SKA3: variants seen among roughly 807,000 people sequenced by gnomAD.
SKA3 encodes spindle and kinetochore associated complex subunit 3.
Under a neutral mutation model 44.2 loss-of-function variants are expected in SKA3, and 39 were observed. The observed-to-expected ratio is 0.88, with a 90% CI of 0.68 to 1.15. The LOEUF is 1.15. Among genes scored for constraint, SKA3 ranks in the 50% most tolerant of loss-of-function variants. SKA3 has a pLI of 0.00. For synonymous variants in SKA3, 192 were observed against 172.0 expected (o/e 1.12, Z -0.91); for missense variants, 511 against 485.8 (o/e 1.05, Z -0.49).
Position 21,160,005 on chromosome 13 carries a change from T to C in SKA3, c.830-18A>G. 1.3e-6 allele frequency: 2 copies of C among 1,574,260 alleles called. No homozygotes were observed. The highest frequency in any genetic ancestry group is 2.3e-5 in the South Asian group (2 of 85,530). ...TTCGGCATCTAAAAGACACATAAAATGGTCATTAAAAAACTATAACTATAG... is the reference window on the plus strand; with the variant it reads ...TTCGGCATCTAAAAGACACATAAAACGGTCATTAAAAAACTATAACTATAG... On this transcript the variant is annotated intron_variant, in intron 5 of 8. Coordinates refer to ENST00000314759, the MANE Select transcript of SKA3 (RefSeq NM_145061.6).
At chr13:21,170,975 G>A (rs145703875) in intron 3 of SKA3, among the ~76,000 whole-genome samples, 372 of 152,186 alleles carry the variant, frequency 2.4e-3, no homozygotes, top group Non-Finnish European at 4.3e-3. Context: ...CATGCAGGTT[G>A]GAGTGCAGTG....
intron 1 of SKA3, among the ~76,000 whole-genome samples, chr13:21,175,233 C>T (rs1341018053): frequency 6.6e-6 from 1 of 151,536 alleles, no homozygotes; most frequent in Non-Finnish European, 1.5e-5. Context: ...CCACCTCGGC[C>T]TCCCAAAATG....
chr13:21,174,911 T>C (rs1169258888), intron 1 of SKA3, among the ~76,000 whole-genome samples: 2 of 122,834 alleles, frequency 1.6e-5, no homozygotes, highest in Non-Finnish European at 3.9e-5. Context: ...CCTTGATGAC[T>C]AATGAAATTT....
intron 1 of SKA3, among the ~76,000 whole-genome samples, chr13:21,175,501 C>CTCCTGACCA (rs1450965795): frequency 6.6e-6 from 1 of 151,968 alleles, no homozygotes; most frequent in African/African-American, 2.4e-5. Flanking sequence ...TGGTCTCGAT[C>CTCCTGACCA]TCCTGACCTT....
At chr13:21,172,125 G>A (rs1422419311) in intron 3 of SKA3, 7 of 309,986 alleles carry the variant, frequency 2.3e-5, no homozygotes, top group Non-Finnish European at 4.1e-5. Context: ...TTGGCATTTT[G>A]GAAAGGAGAA....
intron 3 of SKA3, among the ~76,000 whole-genome samples, chr13:21,169,288 G>A (rs1308035307): frequency 3.3e-5 from 5 of 151,860 alleles, no homozygotes; most frequent in Admixed American, 1.3e-4. Context: ...CCAGGCTGGA[G>A]TGCAGTGGCA....
In SKA3 at chr13:21,154,344, C is replaced by T. The variant is rs1327178; in HGVS notation, c.*806G>A. ...AAGCTACCAGGCAGCTCTGGAGGCT[C>T]CCGTGGCCATAGCTAACAGTGCACA... On this transcript the variant is annotated 3_prime_UTR_variant, in exon 9 of 9. Coordinates refer to ENST00000314759, the MANE Select transcript of SKA3 (RefSeq NM_145061.6). The T allele has an allele frequency of 0.4, 60,024 of 151,612 alleles. 10,919 individuals are homozygous for T. Among genetic ancestry groups the T allele is most frequent in the East Asian group, 0.59 (3,035 of 5,114 alleles). 9.4% of individuals were successfully genotyped at this position (151,612 alleles called of 1,614,324 possible). A position where few individuals can be genotyped will look rare whatever the true frequency, so the allele number is the denominator to read the frequency against.
chr13:21,176,466 G>A lies in SKA3; in HGVS notation c.12C>T (p.Ile4=), dbSNP rs1369353562. MDP[I]RSFCGKLRSL... ...ACCGCAGCTTCCCGCAGAAGCTCCGGATAGGGTCCATGCTGAGCACAGCGG... is the reference window on the plus strand; with the variant it reads ...ACCGCAGCTTCCCGCAGAAGCTCCGAATAGGGTCCATGCTGAGCACAGCGG... Residue 4 remains isoleucine, a synonymous_variant, in exon 1 of 9, where the codon ATC becomes ATT. Transcript: ENST00000314759. 1 of 1,570,082 alleles carries A rather than the reference G, an allele frequency of 6.4e-7. No homozygotes were observed. Among genetic ancestry groups the A allele is most frequent in the Non-Finnish European group, 8.6e-7 (1 of 1,158,212 alleles).
In SKA3 at chr13:21,155,692, C is replaced by G. The variant is rs746466703; in HGVS notation, c.1238+1G>C. ...TTTCTTTACAAAGGTAACATACTCA[C>G]CAGTTTTCTTTGTTGCTGACATCTC... On this transcript the variant is annotated splice_donor_variant, in intron 8 of 8. Transcript: ENST00000314759. LOFTEE classifies it high-confidence loss of function. The G allele has an allele frequency of 8.8e-7, 1 of 1,133,608 alleles. No homozygotes were observed. The highest frequency in any genetic ancestry group is 1.2e-6 in the Non-Finnish European group (1 of 838,042). 70.2% of individuals were successfully genotyped at this position (1,133,608 alleles called of 1,614,324 possible).
chr13:21,153,641 G>A lies in SKA3; in HGVS notation c.*1509C>T, dbSNP rs1480547926. ...ATTTGAATTCTCAGCAATATTCACA[G>A]AATCATCACTCTCCTTGAAATACTT... On this transcript the variant is annotated 3_prime_UTR_variant, in exon 9 of 9. Coordinates refer to ENST00000314759, the MANE Select transcript of SKA3 (RefSeq NM_145061.6). The A allele has an allele frequency of 1.3e-5, 2 of 152,178 alleles. No homozygotes were observed. The highest frequency in any genetic ancestry group is 6.5e-5 in the Admixed American group (1 of 15,274). 9.4% of individuals were successfully genotyped at this position (152,178 alleles called of 1,614,324 possible). A position where few individuals can be genotyped will look rare whatever the true frequency, so the allele number is the denominator to read the frequency against.
intron 4 of SKA3, among the ~76,000 whole-genome samples, chr13:21,167,161 C>T (rs1467537065): frequency 6.6e-6 from 1 of 152,128 alleles, no homozygotes; most frequent in African/African-American, 2.4e-5. Flanking sequence ...AACATGTAAA[C>T]ACATCACCTA....
At chr13:21,160,702 C>A (rs1407267266) in intron 5 of SKA3, among the ~76,000 whole-genome samples, 2 of 151,962 alleles carry the variant, frequency 1.3e-5, no homozygotes, top group African/African-American at 4.8e-5. Flanking sequence ...ATGTGCATGC[C>A]CTTTGACCTG....
Position 21,176,523 on chromosome 13 carries a change from G to A in SKA3, c.-46C>T, listed in dbSNP as rs943375770. On this transcript the variant is annotated 5_prime_UTR_variant, in exon 1 of 9. Coordinates refer to ENST00000314759, the MANE Select transcript of SKA3 (RefSeq NM_145061.6). ...ACTCCAGGCGTACGCAGACCCCACC[G>A]CTCAGCTCACAGCCTCCCGCCACTA... The A allele has an allele frequency of 1.7e-5, 18 of 1,086,120 alleles. No individual in the cohort carries two copies. Among genetic ancestry groups the A allele is most frequent in the Middle Eastern group, 2.3e-4 (1 of 4,444 alleles). The allele number at this position is 1,086,120 out of a possible 1,614,324, so 67.3% of individuals were successfully genotyped here.
intron 7 of SKA3, among the ~76,000 whole-genome samples, chr13:21,157,567 T>C (rs1327935902): frequency 6.6e-6 from 1 of 152,218 alleles, no homozygotes; most frequent in Non-Finnish European, 1.5e-5. Context: ...CACATGACTA[T>C]ATTCTAACAT....
At chr13:21,171,920 C>G (rs1456781913) in intron 3 of SKA3, among the ~76,000 whole-genome samples, 1 of 152,166 alleles carries the variant, frequency 6.6e-6, no homozygotes, top group East Asian at 1.9e-4. Context: ...ATTTTATAGC[C>G]AATATCTCTT....
rs1871121058 is a variant in SKA3 at position 21,172,505 on chromosome 13, CT to C, written c.166-2del. On this transcript the variant is annotated splice_acceptor_variant, in intron 2 of 8. Transcript: ENST00000314759. LOFTEE classifies it high-confidence loss of function. ...TATCAAGAAGAATATTAACATCATC[CT>C]TTTATGAATAAAGAAAGTACATTTT... 6.4e-7 allele frequency: 1 copy of C among 1,558,778 alleles called. No homozygotes were observed. Among genetic ancestry groups the C allele is most frequent in the Non-Finnish European group, 8.7e-7 (1 of 1,151,916 alleles).
rs1376682534 is a variant in SKA3, at chr13:21,168,245, T to C, written c.486A>G (p.Gly162=). Residue 162 remains glycine (G), a synonymous_variant, in exon 4 of 9, where the codon GGA becomes GGG. Transcript: ENST00000314759. ...CTTGGGATACGATGTACCGCTCAAGTCCAAAATCTGAAAGTTGTGGACTAC... is the reference window on the plus strand; with the variant it reads ...CTTGGGATACGATGTACCGCTCAAGCCCAAAATCTGAAAGTTGTGGACTAC... ...SPRSPQLSDF[G]LERYIVSQVL... 1 of 1,614,176 alleles carries C rather than the reference T, an allele frequency of 6.2e-7. No homozygotes were observed. The highest frequency in any genetic ancestry group is 1.1e-5 in the South Asian group (1 of 91,082).
Position 21,175,144 on chromosome 13 carries a change from TG to T in SKA3, c.103+1230del, listed in dbSNP as rs1245580374. On this transcript the variant is annotated intron_variant, in intron 1 of 8. Coordinates refer to ENST00000314759, the MANE Select transcript of SKA3 (RefSeq NM_145061.6). Reference sequence around the variant, plus strand: ...GCGCCCACTACTATGCCCAGCTAATTGTTTTGTATTTTTAGTAGAGACGAGG... The same window carrying T: ...GCGCCCACTACTATGCCCAGCTAATTTTTTGTATTTTTAGTAGAGACGAGG... 5.8e-3 allele frequency among the ~76,000 whole-genome samples: 871 copies of T among 149,612 alleles called. 13 individuals are homozygous for T. The highest frequency in any genetic ancestry group is 0.02 in the African/African-American group (807 of 39,476).
In SKA3 at chr13:21,161,836, A is replaced by G. The variant is rs1870454425; in HGVS notation, c.783T>C (p.Asn261=). Residue 261 remains asparagine (N), a synonymous_variant, in exon 5 of 9, where the codon AAT becomes AAC. Coordinates refer to ENST00000314759, the MANE Select transcript of SKA3 (RefSeq NM_145061.6). ...AIDTESRLND[N]VFATPSPIIQ... ...TGATGGGGCTGGGAGTGGCAAAAAC[A>G]TTATCATTGAGCCTGGATTCTGTAT... 6.2e-7 allele frequency: 1 copy of G among 1,612,728 alleles called. No homozygotes were observed. The highest frequency in any genetic ancestry group is 1.7e-5 in the Admixed American group (1 of 59,932).
Sources: gnomAD v4.1 joint callset for allele counts (sites outside exome capture counted in the v4.1 genomes callset) on GRCh38, gnomAD v4.1.1 for gene constraint, MANE v1.5 for transcripts, NCBI Gene and HGNC (gene_info 2026-07-23, HGNC 2026-07-21) for gene names.